SGK1: variants seen among roughly 807,000 people sequenced by gnomAD.
SGK1 encodes the protein serum/glucocorticoid regulated kinase 1.
Under a neutral mutation model 64.2 loss-of-function variants are expected in SGK1, and 26 were observed. That is an observed-to-expected ratio of 0.40 (90% confidence interval 0.30 to 0.56). The LOEUF is 0.56. Ranked by LOEUF, SGK1 falls within the 20% of genes least tolerant of loss-of-function variation. The pLI, the probability that SGK1 is intolerant of heterozygous loss-of-function variation, is 0.38. For missense variants in SGK1, 519 were observed against 645.6 expected (o/e 0.80, Z 2.12); for synonymous variants, 265 against 239.7 (o/e 1.11, Z -0.98).
At chr6:134,253,474 C>G (rs1391737891) in intron 2 of SGK1, among the ~76,000 whole-genome samples, 1 of 151,778 alleles carries the variant, frequency 6.6e-6, no homozygotes, top group Admixed American at 6.6e-5. Flanking sequence ...ACAGCGAGAC[C>G]TTGTCTCTAC....
chr6:134,172,392 T>C, intron 9 of SGK1, 76 bp from the exon 10 acceptor site: 14 of 1,455,192 alleles, frequency 9.6e-6, no homozygotes, highest in East Asian at 2.3e-5. Flanking sequence ...AGATAATTGC[T>C]AAAGGTATTA....
At chr6:134,265,602 T>C (rs1428868412) in intron 1 of SGK1, among the ~76,000 whole-genome samples, 5 of 143,002 alleles carry the variant, frequency 3.5e-5, no homozygotes, top group Admixed American at 2.9e-4. Flanking sequence ...CATATACATA[T>C]ATATTTTATA....
intron 2 of SGK1, among the ~76,000 whole-genome samples, chr6:134,252,544 G>A (rs1031782585): frequency 5.4e-5 from 7 of 129,798 alleles, no homozygotes; most frequent in Non-Finnish European, 9.2e-5. Context: ...TTTAACAACC[G>A]AGACTCAGAT....
intron 3 of SGK1, among the ~76,000 whole-genome samples, chr6:134,202,301 A>G (rs116362190): frequency 0.01 from 1,552 of 152,316 alleles, 28 homozygotes; most frequent in African/African-American, 0.034. Flanking sequence ...TTATAAAGAC[A>G]TATCATGTAG....
intron 2 of SGK1, among the ~76,000 whole-genome samples, chr6:134,245,968 T>A (rs1030850150): frequency 6.6e-6 from 1 of 152,216 alleles, no homozygotes; most frequent in South Asian, 2.1e-4. Flanking sequence ...AAATCTCTAC[T>A]TCCTTTTTTA....
chr6:134,246,789 C>T (rs966416833), intron 2 of SGK1, among the ~76,000 whole-genome samples: 1 of 152,032 alleles, frequency 6.6e-6, no homozygotes, highest in Non-Finnish European at 1.5e-5. Context: ...GACAGGGTTT[C>T]GCCATGTTGG....
rs192978619 is a variant in SGK1, at chr6:134,311,670, C to T, written c.69+5722G>A. Among the ~76,000 whole-genome samples, 33 of 151,956 alleles carry T rather than the reference C, an allele frequency of 2.2e-4. No individual in the cohort carries two copies. In the East Asian group the frequency reaches 3.3e-3, roughly 15 times the overall value. ...TATGAAAAAACAACAAAACAAAAAA[C>T]CTTCCTGCCCTGTGGGAGCTACAGA... On this transcript the variant is annotated intron_variant, in intron 1 of 13. Transcript: ENST00000367858.
intron 2 of SGK1, among the ~76,000 whole-genome samples, chr6:134,244,927 C>G (rs960805529): frequency 6.6e-6 from 1 of 152,216 alleles, no homozygotes; most frequent in Non-Finnish European, 1.5e-5. Context: ...AGGCACCCAC[C>G]ACCATGCCCA....
At chr6:134,170,762 A>G in intron 13 of SGK1, 64 bp downstream of exon 13, 4 of 1,079,940 alleles carry the variant, frequency 3.7e-6, no homozygotes. Flanking sequence ...TCCCCCAGAC[A>G]ATTCTGAATT....
rs571895414 is a variant in SGK1, at chr6:134,264,221, G to A, written c.70-2073C>T. Among the ~76,000 whole-genome samples the A allele has an allele frequency of 1.4e-4, 21 of 151,292 alleles. No individual in the cohort carries two copies. In the East Asian group the frequency reaches 3.5e-3, roughly 25 times the overall value. ...TGCAAGCTCTGCCTCCTGGGTTCAC[G>A]CCATTCTCCTGCCTCAGCCTCCCGA... On this transcript the variant is annotated intron_variant, in intron 1 of 13. Transcript: ENST00000367858.
intron 2 of SGK1, among the ~76,000 whole-genome samples, chr6:134,210,865 C>T (rs923439954): frequency 1.3e-5 from 2 of 148,798 alleles, no homozygotes; most frequent in African/African-American, 2.5e-5. Flanking sequence ...GTGGCTCACG[C>T]CTGTAATCCC....
chr6:134,297,540 T>C, intron 1 of SGK1: 1 of 525,994 alleles, frequency 1.9e-6, no homozygotes, highest in South Asian at 1.5e-5. Context: ...TCTCACTCTG[T>C]CGCCCAGGCT....
chr6:134,191,835 A>ATTTTTT lies in SGK1; in HGVS notation c.361+15515_361+15520dup, dbSNP rs71003671. 2.8e-4 allele frequency among the ~76,000 whole-genome samples: 17 copies of ATTTTTT among 61,202 alleles called. 4 individuals are homozygous for ATTTTTT. Among genetic ancestry groups the ATTTTTT allele is most frequent in the East Asian group, 9.2e-4 (2 of 2,182 alleles). The allele number at this position is 61,202 out of a possible 152,430, so 40.2% of individuals were successfully genotyped here. A position where few individuals can be genotyped will look rare whatever the true frequency, so the allele number is the denominator to read the frequency against. Reference sequence around the variant, plus strand: ...AGGCATGCGCCACCACGCCCGGCTGATTTTTTTTTTTTTTTTTTGAGACAG... The same window carrying ATTTTTT: ...AGGCATGCGCCACCACGCCCGGCTGATTTTTTTTTTTTTTTTTTTTTTTTGAGACAG... On this transcript the variant is annotated intron_variant, in intron 3 of 13. Coordinates refer to ENST00000367858, the MANE Select transcript of SGK1 (RefSeq NM_001143676.3).
chr6:134,171,109 G>A lies in SGK1; in HGVS notation c.1237C>T (p.Pro413Ser). The change falls in exon 12 of 14, where the codon CCA becomes TCA. Residue 413 changes from proline (P) to serine (S), a missense_variant. By Grantham distance (74) the Pro-to-Ser change is moderately conservative. This residue lies in a region of SGK1 where 278 missense variants were observed against 408.7 expected (regional missense o/e 0.68). Coordinates refer to ENST00000367858, the MANE Select transcript of SGK1 (RefSeq NM_001143676.3). ...NILNKPLQLK[P>S]NITNSARHLL... ...TGTCTTGCGGAATTTGTAATATTTGGTTTCAGCTGGAGAGGCTTGTTCAGA... is the reference window on the plus strand; with the variant it reads ...TGTCTTGCGGAATTTGTAATATTTGATTTCAGCTGGAGAGGCTTGTTCAGA... 1 of 1,614,096 alleles carries A rather than the reference G, an allele frequency of 6.2e-7. No homozygotes were observed. The highest frequency in any genetic ancestry group is 8.5e-7 in the Non-Finnish European group (1 of 1,180,014).
intron 3 of SGK1, chr6:134,175,680 C>A (rs1007898754): frequency 1.4e-6 from 2 of 1,478,352 alleles, no homozygotes; most frequent in Non-Finnish European, 1.8e-6. Context: ...GGCGGCGGGG[C>A]GCGCGGCAGA....
Position 134,317,857 on chromosome 6 carries a change from TCTC to T in SGK1, c.-400_-398del, listed in dbSNP as rs1283337228. ...GCCGGCGCGGGGAGCGAGTCGCTCT[TCTC>T]CAGGTGATGCGCTCCTGGAGGCGGC... On this transcript the variant is annotated 5_prime_UTR_variant, in exon 1 of 14. Coordinates refer to ENST00000367858, the MANE Select transcript of SGK1 (RefSeq NM_001143676.3). 1 of 190,794 alleles carries T rather than the reference TCTC, an allele frequency of 5.2e-6. No homozygotes were observed. The highest frequency in any genetic ancestry group is 1.1e-5 in the Non-Finnish European group (1 of 93,082). The allele number at this position is 190,794 out of a possible 1,614,324, so 11.8% of individuals were successfully genotyped here. A position where few individuals can be genotyped will look rare whatever the true frequency, so the allele number is the denominator to read the frequency against.
chr6:134,212,333 G>A (rs1370956562), intron 2 of SGK1, among the ~76,000 whole-genome samples: 2 of 152,144 alleles, frequency 1.3e-5, no homozygotes, highest in Non-Finnish European at 1.5e-5. Flanking sequence ...GATTACAGGC[G>A]TGAGCCACCG....
rs1007783973 is a variant in SGK1 at position 134,185,861 on chromosome 6, C to T, written c.362-11275G>A. 6.6e-5 allele frequency among the ~76,000 whole-genome samples: 10 copies of T among 151,970 alleles called. No individual in the cohort carries two copies. The East Asian group carries it at 1.3e-3, about 21-fold the overall frequency. ...GCCAAAGGCTGGAGAACCTGATGTCCGAAGGCCGGAGAAGAAGCATGTATC... is the reference window on the plus strand; with the variant it reads ...GCCAAAGGCTGGAGAACCTGATGTCTGAAGGCCGGAGAAGAAGCATGTATC... On this transcript the variant is annotated intron_variant, in intron 3 of 13. Transcript: ENST00000367858.
intron 3 of SGK1, chr6:134,174,822 G>A (rs769525970): frequency 1.2e-6 from 2 of 1,614,004 alleles, no homozygotes; most frequent in East Asian, 2.2e-5. Context: ...ACCGCGGGGA[G>A]ACAGAAAGAC....
Sources: allele counts gnomAD v4.1 joint callset (sites outside exome capture counted in the v4.1 genomes callset), GRCh38; gene constraint gnomAD v4.1.1; regional missense constraint gnomAD v4.1.1; transcripts MANE v1.5; gene names NCBI Gene and HGNC (gene_info 2026-07-23, HGNC 2026-07-21).